The following BRPF3 variants were observed in gnomAD, a reference collection of about 807,000 sequenced individuals.
BRPF3 encodes bromodomain and PHD finger containing 3.
A neutral mutation model predicts 102.0 loss-of-function variants in BRPF3; 18 were observed. That is an observed-to-expected ratio of 0.18 (90% CI 0.12 to 0.26). BRPF3 has a LOEUF of 0.26. Ranked by LOEUF, BRPF3 falls within the 10% of genes least tolerant of loss-of-function variation. BRPF3 has a pLI of 1.00. For missense variants in BRPF3, 1,147 were observed against 1,567.8 expected (o/e 0.73, Z 4.53); for synonymous variants, 570 against 614.2 (o/e 0.93, Z 1.06).
At chr6:36,229,298 C>A (rs138947744) in intron 12 of BRPF3, among the ~76,000 whole-genome samples, 2 of 152,180 alleles carry the variant, frequency 1.3e-5, no homozygotes, top group African/African-American at 4.8e-5. Flanking sequence ...AGCTGTGGGG[C>A]GGGAGCGATG....
At chr6:36,218,853 G>A (rs1768427772) in intron 9 of BRPF3, among the ~76,000 whole-genome samples, 1 of 152,100 alleles carries the variant, frequency 6.6e-6, no homozygotes, top group Admixed American at 6.5e-5. Context: ...TTATCTGAAG[G>A]GAGGATTTCT....
chr6:36,199,614 G>C (rs985916573), intron 1 of BRPF3, among the ~76,000 whole-genome samples: 1 of 152,360 alleles, frequency 6.6e-6, no homozygotes, highest in South Asian at 2.1e-4. Flanking sequence ...CATTGTTCAC[G>C]TACAGAGCTT....
chr6:36,221,461 A>G (rs1417363940), intron 9 of BRPF3, among the ~76,000 whole-genome samples: 1 of 151,638 alleles, frequency 6.6e-6, no homozygotes, highest in African/African-American at 2.4e-5. Context: ...TAATTTGTGT[A>G]TTTTTAGTAG....
rs2127290517 is a variant in BRPF3 at position 36,215,408 on chromosome 6, C to T, written c.2989+1022C>T. On this transcript the variant is annotated intron_variant, in intron 8 of 12. Transcript: ENST00000357641. Reference sequence around the variant, plus strand: ...TACAGGCATGAGCCACCGCGCCCCACCTAAAGTGTTCTTAATATACATCCA... The same window carrying T: ...TACAGGCATGAGCCACCGCGCCCCATCTAAAGTGTTCTTAATATACATCCA... Among the ~76,000 whole-genome samples, 3 of 152,272 alleles carry T rather than the reference C, an allele frequency of 2.0e-5. No individual in the cohort carries two copies. In the South Asian group the frequency reaches 6.2e-4, roughly 32 times the overall value.
Position 36,204,698 on chromosome 6 carries a change from A to C in BRPF3, c.1489A>C (p.Asn497His). ...ICSGLSFQRK[N>H]QFMQRLHNYW... ...TAGTGGTCTCTCCTTTCAGAGGAAA[A>C]ACCAGTTTATGCAGCGGCTTCACAA... Residue 497 changes from asparagine (N) to histidine (H), a missense_variant, in exon 3 of 13, where the codon AAC becomes CAC. Transcript: ENST00000357641. The C allele has an allele frequency of 6.2e-7, 1 of 1,614,138 alleles. No homozygotes were observed. Among genetic ancestry groups the C allele is most frequent in the Non-Finnish European group, 8.5e-7 (1 of 1,180,020 alleles).
chr6:36,230,651 C>G lies in BRPF3; in HGVS notation c.*42C>G. The G allele has an allele frequency of 6.3e-7, 1 of 1,593,232 alleles. No homozygotes were observed. The highest frequency in any genetic ancestry group is 8.6e-7 in the Non-Finnish European group (1 of 1,165,694). ...GCATCCGCTTGCCCTGCCTCCATCC[C>G]GCAGGGCACAGAGAAGCCTCTTCTG... On this transcript the variant is annotated 3_prime_UTR_variant, in exon 13 of 13. Transcript: ENST00000357641. The surrounding 1 kb of genome is among the most constrained non-coding windows in gnomAD (Gnocchi z 5.4).
intron 10 of BRPF3, 74 bp from the exon 11 acceptor site, chr6:36,225,193 G>A: frequency 7.8e-7 from 1 of 1,283,992 alleles, no homozygotes; most frequent in Non-Finnish European, 1.1e-6. Context: ...GTCAAGTGGA[G>A]GCCACAGGCA....
chr6:36,228,571 G>A (rs1768823468), intron 11 of BRPF3, among the ~76,000 whole-genome samples: 1 of 152,168 alleles, frequency 6.6e-6, no homozygotes, highest in Non-Finnish European at 1.5e-5. Flanking sequence ...GAAGGTAGTG[G>A]GTAACCAGAG....
chr6:36,215,694 G>A (rs1240788396), intron 8 of BRPF3, among the ~76,000 whole-genome samples: 1 of 152,222 alleles, frequency 6.6e-6, no homozygotes, highest in African/African-American at 2.4e-5. Context: ...AAGGCCTCAG[G>A]CCTGGGTGTG....
chr6:36,211,400 G>A lies in BRPF3; in HGVS notation c.2322G>A (p.Glu774=), dbSNP rs1201214066. 6.2e-7 allele frequency: 1 copy of A among 1,614,096 alleles called. No homozygotes were observed. The highest frequency in any genetic ancestry group is 8.5e-7 in the Non-Finnish European group (1 of 1,179,956). ...GTCGTGTCCGCCTGCTACGCCGGGA[G>A]ATCAATGCCCTTCGGCAGAAGCTGG... ...RTRRVRLLRR[E]INALRQKLAQ... is the part of the protein sequence containing the mutation. The change falls in exon 7 of 13, where the codon GAG becomes GAA. Residue 774 remains glutamate (E), a synonymous_variant. Transcript: ENST00000357641.
At chr6:36,222,858 A>G (rs1768599576) in intron 10 of BRPF3, among the ~76,000 whole-genome samples, 1 of 152,178 alleles carries the variant, frequency 6.6e-6, no homozygotes, top group African/African-American at 2.4e-5. Flanking sequence ...TGCATAGATA[A>G]TTTTATATCC....
At chr6:36,197,941 T>C (rs931018226) in intron 1 of BRPF3, among the ~76,000 whole-genome samples, 1 of 152,034 alleles carries the variant, frequency 6.6e-6, no homozygotes, top group Non-Finnish European at 1.5e-5. Context: ...TGGAGCGGCT[T>C]TCATGAAAGT....
rs776796354 is a variant in BRPF3 at position 36,211,402 on chromosome 6, T to A, written c.2324T>A (p.Ile775Asn). 1 of 1,613,912 alleles carries A rather than the reference T, an allele frequency of 6.2e-7. No homozygotes were observed. The highest frequency in any genetic ancestry group is 8.5e-7 in the Non-Finnish European group (1 of 1,179,894). ...CGTGTCCGCCTGCTACGCCGGGAGA[T>A]CAATGCCCTTCGGCAGAAGCTGGCA... ...TRRVRLLRRE[I>N]NALRQKLAQP... The change falls in exon 7 of 13, where the codon ATC becomes AAC. Residue 775 changes from isoleucine to asparagine, a missense_variant. Physicochemically the swap from Ile to Asn is moderately radical, Grantham distance 149. Around this residue, in one of 11 missense-constraint regions of BRPF3, gnomAD observed 379 missense variants for 426.3 expected, o/e 0.89. Transcript: ENST00000357641.
intron 7 of BRPF3, among the ~76,000 whole-genome samples, chr6:36,212,844 T>C (rs1006401526): frequency 4.0e-5 from 6 of 151,348 alleles, no homozygotes; most frequent in Non-Finnish European, 8.8e-5. Context: ...TCCCAGCTAC[T>C]GGGGAGGCTG....
In BRPF3 at chr6:36,210,172, G is replaced by C; in HGVS notation, c.1867-44G>C. The C allele has an allele frequency of 6.2e-7, 1 of 1,601,678 alleles. No homozygotes were observed. The highest frequency in any genetic ancestry group is 8.6e-7 in the Non-Finnish European group (1 of 1,168,878). On this transcript the variant is annotated intron_variant, in intron 5 of 12. Transcript: ENST00000357641. The surrounding 1 kb of genome is among the most constrained non-coding windows in gnomAD (Gnocchi z 4.7). The stretch of plus-strand genomic sequence containing the variant: ...TATTGGTGAAGGGTGTGTCTGTTTG[G>C]CTAGTAAATGGTTGTTGTAATTGTA...
Position 36,210,434 on chromosome 6 carries a change from G to A in BRPF3, c.2085G>A (p.Arg695=), listed in dbSNP as rs778945971. ...GGGCCATCCTACGGCACGCCCGGCG[G>A]CAGGCAGAGAACATCGGCTATGACC... ...LGGAILRHAR[R]QAENIGYDPE... is the part of the protein sequence containing the mutation. The change falls in exon 6 of 13, where the codon CGG becomes CGA. Residue 695 remains arginine (R), a synonymous_variant. Coordinates refer to ENST00000357641, the MANE Select transcript of BRPF3 (RefSeq NM_015695.3). This position sits in a 1 kb window ranked among gnomAD's most constrained non-coding sequence, Gnocchi z 4.7. 1.1e-5 allele frequency: 17 copies of A among 1,612,704 alleles called. No individual in the cohort carries two copies. The South Asian group carries it at 1.6e-4, about 16-fold the overall frequency.
At chr6:36,209,524 A>T (rs912447993) in intron 4 of BRPF3, among the ~76,000 whole-genome samples, 2 of 152,198 alleles carry the variant, frequency 1.3e-5, no homozygotes, top group Non-Finnish European at 2.9e-5. Flanking sequence ...AGTGTTAATG[A>T]TTATAATTGT....
intron 10 of BRPF3, 86 bp from the exon 11 acceptor site, chr6:36,225,181 C>A: frequency 9.1e-7 from 1 of 1,093,898 alleles, no homozygotes; most frequent in South Asian, 1.3e-5. Context: ...TGGGTTGCCC[C>A]AGTCAAGTGG....
intron 2 of BRPF3, among the ~76,000 whole-genome samples, chr6:36,202,280 T>C (rs190414785): frequency 6.6e-6 from 1 of 152,316 alleles, no homozygotes; most frequent in East Asian, 1.9e-4. Flanking sequence ...GGCCATCTGC[T>C]GTCCAGCAAG....
Sources: gnomAD v4.1 joint callset for allele counts (sites outside exome capture counted in the v4.1 genomes callset) on GRCh38, gnomAD v4.1.1 for gene constraint, gnomAD v4.1.1 regional missense constraint, Gnocchi (gnomAD v3.1) non-coding constraint, MANE v1.5 for transcripts, NCBI Gene and HGNC (gene_info 2026-07-23, HGNC 2026-07-21) for gene names.